Variants in BFSP1 observed in about 807,000 individuals in gnomAD.
BFSP1 encodes the protein beaded filament structural protein 1, also known as filensin.
In BFSP1, 38 loss-of-function variants were observed where a neutral mutation model predicts 43.9. The observed-to-expected ratio is 0.87, with a 90% CI of 0.67 to 1.14. The LOEUF is 1.14. BFSP1 is among the 50% of genes most tolerant of loss of function. The pLI is 0.00. For synonymous variants in BFSP1, 352 were observed against 354.8 expected, an observed-to-expected ratio of 0.99 and a Z score of 0.09; for missense variants, 850 against 875.1, an observed-to-expected ratio of 0.97 and a Z score of 0.36.
chr20:17,555,288 C>T (rs1265280167), intron 1 of BFSP1, among the ~76,000 whole-genome samples: 1 of 44,122 alleles, frequency 2.3e-5, no homozygotes, highest in Non-Finnish European at 4.4e-5. Context: ...TCCTATCTCA[C>T]AAAAAAAAAA....
At chr20:17,556,635 T>C (rs933851520) in intron 1 of BFSP1, among the ~76,000 whole-genome samples, 38 of 152,160 alleles carry the variant, frequency 2.5e-4, no homozygotes, top group African/African-American at 8.2e-4. Context: ...CTGCACATTT[T>C]AAACCAGTAG....
At chr20:17,496,300 G>A (rs993083864) in intron 7 of BFSP1, among the ~76,000 whole-genome samples, 7 of 152,226 alleles carry the variant, frequency 4.6e-5, no homozygotes, top group Non-Finnish European at 8.8e-5. Flanking sequence ...CTATATGCAT[G>A]AGCATCCATA....
intron 1 of BFSP1, among the ~76,000 whole-genome samples, chr20:17,537,101 A>C (rs1305388191): frequency 6.6e-6 from 1 of 152,176 alleles, no homozygotes; most frequent in Non-Finnish European, 1.5e-5. Flanking sequence ...TTTACCCAGA[A>C]CATGCAAATG....
At position 17,531,290 on chromosome 20, in the gene BFSP1, G is replaced by C; in HGVS notation, c.40C>G (p.Gln14Glu). 2 of 1,474,776 alleles carry C rather than the reference G, an allele frequency of 1.4e-6. No individual in the cohort carries two copies. Among genetic ancestry groups the C allele is most frequent in the Non-Finnish European group, 1.8e-6 (2 of 1,119,010 alleles). The allele number at this position is 1,474,776 out of a possible 1,614,324, so 91.4% of individuals were successfully genotyped here. ...GAAGCCTCGTCGGCGTGCTCGTACT[G>C]CTCCTTGCGGGTCTGGAAGACGTAG... ...RSYVFQTRKEQYEHADEASRA... is the reference protein window; with the variant it reads ...RSYVFQTRKEEYEHADEASRA... The change falls in exon 1 of 8, where the codon CAG (glutamine) becomes GAG (glutamate). Residue 14 changes from glutamine to glutamate, a missense_variant. Gln to Glu is a conservative substitution (Grantham distance 29). Transcript: ENST00000377873.
intron 1 of BFSP1, among the ~76,000 whole-genome samples, chr20:17,529,434 C>T (rs1340372810): frequency 6.6e-6 from 1 of 152,000 alleles, no homozygotes; most frequent in Non-Finnish European, 1.5e-5. Context: ...GTCTCCTTCC[C>T]ACCTCTGTCT....
At chr20:17,508,687 C>T (rs1478678768) in intron 5 of BFSP1, among the ~76,000 whole-genome samples, 1 of 152,172 alleles carries the variant, frequency 6.6e-6, no homozygotes, top group African/African-American at 2.4e-5. Flanking sequence ...CAGCTCAGGA[C>T]TCTCCCTGTG....
rs755084290 is a variant in BFSP1 at position 17,494,804 on chromosome 20, G to A, written c.1268C>T (p.Thr423Ile). The change falls in exon 8 of 8, where the codon ACA becomes ATA. Residue 423 changes from threonine to isoleucine, a missense_variant. Coordinates refer to ENST00000377873, the MANE Select transcript of BFSP1 (RefSeq NM_001195.5). Reference protein sequence around the residue: ...ESESKEVSPLTQEGAPEDVPD... With the variant: ...ESESKEVSPLIQEGAPEDVPD... ...CACATCCTCTGGAGCCCCTTCTTGT[G>A]TCAGGGGACTTACTTCTTTACTTTC... 1.2e-5 allele frequency: 20 copies of A among 1,614,064 alleles called. No individual in the cohort carries two copies. Among genetic ancestry groups the A allele is most frequent in the Non-Finnish European group, 1.6e-5 (19 of 1,180,048 alleles).
intron 1 of BFSP1, among the ~76,000 whole-genome samples, chr20:17,542,427 CAAAAAAAA>C (rs3076281): frequency 8.7e-5 from 10 of 114,844 alleles, no homozygotes; most frequent in African/African-American, 3.0e-4. Flanking sequence ...TCATCTCTAC[CAAAAAAAA>C]AAAAAAAAAA....
intron 1 of BFSP1, among the ~76,000 whole-genome samples, chr20:17,546,068 A>G (rs2034796201): frequency 6.6e-6 from 1 of 152,168 alleles, no homozygotes; most frequent in African/African-American, 2.4e-5. Flanking sequence ...CTGGATCAAG[A>G]CCACTGTATT....
At chr20:17,563,473 G>A (rs577112307), upstream of BFSP1, among the ~76,000 whole-genome samples, 7 of 150,382 alleles carry the variant, frequency 4.7e-5, no homozygotes, top group Non-Finnish European at 8.9e-5. Flanking sequence ...CTCAGCCTCC[G>A]GAGTAGCTAG....
rs1029912306 is a variant in BFSP1, at chr20:17,514,808, A to G, written c.447T>C (p.Asp149=). Residue 149 remains aspartate (D), a synonymous_variant, in exon 3 of 8, where the codon GAT becomes GAC. Coordinates refer to ENST00000377873, the MANE Select transcript of BFSP1 (RefSeq NM_001195.5). ...EMLERLNKEA[D]EALLHNLRLQ... The stretch of plus-strand genomic sequence containing the variant: ...GGCGTAGGTTATGCAGCAAGGCTTC[A>G]TCAGCTTCCTGCAATGAGAGCCACA... 1 of 1,613,604 alleles carries G rather than the reference A, an allele frequency of 6.2e-7. No individual in the cohort carries two copies. The highest frequency in any genetic ancestry group is 1.3e-5 in the African/African-American group (1 of 74,924).
intron 1 of BFSP1, among the ~76,000 whole-genome samples, chr20:17,543,330 G>T (rs1275054482): frequency 6.6e-6 from 1 of 152,190 alleles, no homozygotes; most frequent in Non-Finnish European, 1.5e-5. Flanking sequence ...CCCATGAAAT[G>T]TTGTCTTTCA....
At chr20:17,546,427 G>A (rs888788643) in intron 1 of BFSP1, among the ~76,000 whole-genome samples, 8 of 152,178 alleles carry the variant, frequency 5.3e-5, no homozygotes, top group South Asian at 4.1e-4. Context: ...GGGGCTGGGC[G>A]AAGTGGCTCA....
At chr20:17,512,579 T>A (rs979796844) in intron 3 of BFSP1, among the ~76,000 whole-genome samples, 1 of 152,120 alleles carries the variant, frequency 6.6e-6, no homozygotes, top group Admixed American at 6.5e-5. Flanking sequence ...TAGCTATGTG[T>A]TGTGGTGTGC....
upstream of BFSP1, among the ~76,000 whole-genome samples, chr20:17,561,839 C>T (rs1461485486): frequency 6.6e-6 from 1 of 152,138 alleles, no homozygotes; most frequent in Non-Finnish European, 1.5e-5. Context: ...CAGGGCAGTT[C>T]ATGAGCTCCC....
intron 1 of BFSP1, among the ~76,000 whole-genome samples, chr20:17,546,876 T>C (rs943017913): frequency 6.6e-6 from 1 of 151,466 alleles, no homozygotes; most frequent in Non-Finnish European, 1.5e-5. Context: ...ATACAAAAAT[T>C]AGCCGGGTGT....
At chr20:17,505,349 G>A (rs2033909359) in intron 5 of BFSP1, among the ~76,000 whole-genome samples, 2 of 152,230 alleles carry the variant, frequency 1.3e-5, no homozygotes, top group Non-Finnish European at 2.9e-5. Flanking sequence ...GTGGTCTGGG[G>A]TGCCTGTGAA....
intron 1 of BFSP1, among the ~76,000 whole-genome samples, chr20:17,568,418 G>A (rs186724439): frequency 6.6e-6 from 1 of 151,252 alleles, no homozygotes; most frequent in African/African-American, 2.4e-5. Flanking sequence ...CAGGGTCCTA[G>A]GCAGGCAGAA....
upstream of BFSP1, chr20:17,558,966 A>G (rs985305483): frequency 1.6e-5 from 6 of 366,590 alleles, no homozygotes; most frequent in Non-Finnish European, 2.9e-5. Context: ...AAATTTTACT[A>G]GGGGACCACC....
Sources: gnomAD v4.1 joint callset for allele counts (sites outside exome capture counted in the v4.1 genomes callset) on GRCh38, gnomAD v4.1.1 for gene constraint, MANE v1.5 for transcripts, NCBI Gene and HGNC (gene_info 2026-07-23, HGNC 2026-07-21) for gene names.